Variants in HOXA7 observed in about 807,000 individuals in gnomAD.
The protein encoded by HOXA7 is homeobox protein Hox-A7.
Under a neutral mutation model 16.8 loss-of-function variants are expected in HOXA7, and 16 were observed. The ratio of observed to expected loss-of-function variants is 0.95; its 90% CI spans 0.64 to 1.44. The LOEUF (loss-of-function observed/expected upper bound fraction) is 1.44. Ranked by LOEUF, HOXA7 falls within the 40% of genes most tolerant of loss-of-function variation. The pLI, the probability that HOXA7 is intolerant of heterozygous loss-of-function variation, is 0.00. For synonymous variants in HOXA7, 169 were observed against 144.3 expected, an observed-to-expected ratio of 1.17 and a Z score of -1.23; for missense variants, 379 against 328.6, an observed-to-expected ratio of 1.15 and a Z score of -1.19.
chr7:27,155,280 G>T, intron 1 of HOXA7, 58 bp from the exon 2 acceptor site: 1 of 1,506,028 alleles, frequency 6.6e-7, no homozygotes, highest in Non-Finnish European at 9.2e-7. Context: ...CAGGGCACTC[G>T]TTAGGCTGCT....
intron 1 of HOXA7, 41 bp downstream of exon 1, chr7:27,156,114 CCCCGCTCCCGGT>C: frequency 7.0e-7 from 1 of 1,420,344 alleles, no homozygotes; most frequent in South Asian, 1.6e-5. Context: ...GCGCTGCGCT[CCCCGCTCCCGGT>C]CCCGCTCCGC....
chr7:27,156,226 C>T lies in HOXA7; in HGVS notation c.320G>A (p.Gly107Asp). Residue 107 changes from glycine to aspartate, a missense_variant, in exon 1 of 2, where the codon GGC becomes GAC. Transcript: ENST00000242159. ...GGCCTCAGCCGCGCCATGCAGCGCGCCCTCGTCCGTCTTGTCGCAGGCGCC... is the reference window on the plus strand; with the variant it reads ...GGCCTCAGCCGCGCCATGCAGCGCGTCCTCGTCCGTCTTGTCGCAGGCGCC... Reference protein sequence around the residue: ...AKGACDKTDEGALHGAAEANF... With the variant: ...AKGACDKTDEDALHGAAEANF... 1 of 1,603,346 alleles carries T rather than the reference C, an allele frequency of 6.2e-7. No homozygotes were observed. The highest frequency in any genetic ancestry group is 8.5e-7 in the Non-Finnish European group (1 of 1,174,922).
intron 1 of HOXA7, chr7:27,155,912 A>G (rs1364624743): frequency 5.2e-6 from 2 of 385,308 alleles, no homozygotes; most frequent in Non-Finnish European, 9.1e-6. Context: ...TAAATTTACG[A>G]GGATCGAACC....
rs1310854177 is a variant in HOXA7, at chr7:27,154,772, G to T, written c.*137C>A. ...GGGGGTGGGTAGAGTGCAGGTTGGG[G>T]ACTGGGTTGCTTTTTTGTTTTTGTT... is the stretch of plus-strand genomic sequence containing the variant. On this transcript the variant is annotated 3_prime_UTR_variant, in exon 2 of 2. Transcript: ENST00000242159. 1.2e-5 allele frequency: 15 copies of T among 1,298,066 alleles called. No homozygotes were observed. The East Asian group carries it at 3.8e-4, about 33-fold the overall frequency. 80.4% of individuals were successfully genotyped at this position (1,298,066 alleles called of 1,614,324 possible).
In HOXA7 at chr7:27,154,746, T is replaced by G; in HGVS notation, c.*163A>C. The G allele has an allele frequency of 6.0e-6, 6 of 1,001,836 alleles. No homozygotes were observed. The highest frequency in any genetic ancestry group is 8.4e-6 in the Non-Finnish European group (6 of 710,294). 62.1% of individuals were successfully genotyped at this position (1,001,836 alleles called of 1,614,324 possible). ...AAAAGTTGGGAGCTGGAGTAGGTGATGGGGGTGGGTAGAGTGCAGGTTGGG... is the reference window on the plus strand; with the variant it reads ...AAAAGTTGGGAGCTGGAGTAGGTGAGGGGGGTGGGTAGAGTGCAGGTTGGG... On this transcript the variant is annotated 3_prime_UTR_variant, in exon 2 of 2. Coordinates refer to ENST00000242159, the MANE Select transcript of HOXA7 (RefSeq NM_006896.4).
Position 27,156,315 on chromosome 7 carries a change from G to A in HOXA7, c.231C>T (p.Tyr77=), listed in dbSNP as rs563708052. The A allele has an allele frequency of 6.2e-7, 1 of 1,613,960 alleles. No individual in the cohort carries two copies. The highest frequency in any genetic ancestry group is 1.1e-5 in the South Asian group (1 of 91,088). ...CGTAGGAGGCGCAGGGCAGGTTGCCGTAGGCGTCGGCGCCCAGGCCGTAGC... is the reference window on the plus strand; with the variant it reads ...CGTAGGAGGCGCAGGGCAGGTTGCCATAGGCGTCGGCGCCCAGGCCGTAGC... ...ASGYGLGADA[Y]GNLPCASYDQ... The change falls in exon 1 of 2, where the codon TAC becomes TAT. Residue 77 remains tyrosine, a synonymous_variant. Coordinates refer to ENST00000242159, the MANE Select transcript of HOXA7 (RefSeq NM_006896.4).
chr7:27,155,105 G>T lies in HOXA7; in HGVS notation c.497C>A (p.Ala166Glu). 1 of 1,614,240 alleles carries T rather than the reference G, an allele frequency of 6.2e-7. No individual in the cohort carries two copies. The highest frequency in any genetic ancestry group is 8.5e-7 in the Non-Finnish European group (1 of 1,180,042). Residue 166 changes from alanine (A) to glutamate (E), a missense_variant, in exon 2 of 2, where the codon GCG becomes GAG. Physicochemically the swap from Ala to Glu is moderately radical, Grantham distance 107. Coordinates refer to ENST00000242159, the MANE Select transcript of HOXA7 (RefSeq NM_006896.4). The part of the protein sequence containing the change: ...TRRRRIEIAH[A>E]LCLTERQIKI... ...AATCTGGCGCTCGGTGAGGCAGAGC[G>T]CGTGGGCGATTTCAATGCGGCGGCG...
Position 27,156,674 on chromosome 7 carries a change from G to GCACGTGACCGCC in HOXA7, c.-130_-129insGGCGGTCACGTG. On this transcript the variant is annotated 5_prime_UTR_variant, in exon 1 of 2. Coordinates refer to ENST00000242159, the MANE Select transcript of HOXA7 (RefSeq NM_006896.4). ...TTTCTTTTGGACGGAGCTCGCCGCA[G>GCACGTGACCGCC]CACGTGACCGCCCACATGACCGCCT... The GCACGTGACCGCC allele has an allele frequency of 1.0e-6, 1 of 982,022 alleles. No homozygotes were observed. The highest frequency in any genetic ancestry group is 1.5e-6 in the Non-Finnish European group (1 of 668,180). 60.8% of individuals were successfully genotyped at this position (982,022 alleles called of 1,614,324 possible). A position where few individuals can be genotyped will look rare whatever the true frequency, so the allele number is the denominator to read the frequency against.
chr7:27,155,279 C>T, intron 1 of HOXA7, 57 bp from the exon 2 acceptor site: 2 of 1,508,388 alleles, frequency 1.3e-6, no homozygotes, highest in East Asian at 2.3e-5. Context: ...ACAGGGCACT[C>T]GTTAGGCTGC....
intron 1 of HOXA7, 133 bp downstream of exon 1, chr7:27,156,034 A>C (rs1326035743): frequency 1.8e-6 from 2 of 1,085,240 alleles, no homozygotes; most frequent in South Asian, 2.7e-5. Flanking sequence ...GCCGGGAGTC[A>C]CGGGGCTACC....
Position 27,156,233 on chromosome 7 carries a change from C to G in HOXA7, c.313G>C (p.Asp105His). Residue 105 changes from aspartate to histidine, a missense_variant, in exon 1 of 2, where the codon GAC (aspartate) becomes CAC (histidine). Transcript: ENST00000242159. ...DLAKGACDKT[D>H]EGALHGAAEA... ...GCCGCGCCATGCAGCGCGCCCTCGTCCGTCTTGTCGCAGGCGCCTTTGGCG... is the reference window on the plus strand; with the variant it reads ...GCCGCGCCATGCAGCGCGCCCTCGTGCGTCTTGTCGCAGGCGCCTTTGGCG... 2 of 1,606,240 alleles carry G rather than the reference C, an allele frequency of 1.2e-6. No homozygotes were observed. Among genetic ancestry groups the G allele is most frequent in the South Asian group, 1.1e-5 (1 of 90,694 alleles).
In HOXA7 at chr7:27,156,528, A is replaced by G. The variant is rs1783113395; in HGVS notation, c.18T>C (p.Tyr6=). 5 of 1,581,796 alleles carry G rather than the reference A, an allele frequency of 3.2e-6. No individual in the cohort carries two copies. Among genetic ancestry groups the G allele is most frequent in the Middle Eastern group, 1.7e-4 (1 of 5,942 alleles). Reference sequence around the variant, plus strand: ...TATATTTGCTAAAAAGCGCGTTCACATAATACGAAGAACTCATAATTTTGA... The same window carrying G: ...TATATTTGCTAAAAAGCGCGTTCACGTAATACGAAGAACTCATAATTTTGA... MSSSY[Y]VNALFSKYTA... is the part of the protein sequence containing the mutation. The change falls in exon 1 of 2, where the codon TAT becomes TAC. Residue 6 remains tyrosine, a synonymous_variant. Transcript: ENST00000242159.
Position 27,154,927 on chromosome 7 carries a change from C to G in HOXA7, c.675G>C (p.Glu225Asp), listed in dbSNP as rs146964934. 6.2e-7 allele frequency: 1 copy of G among 1,610,382 alleles called. No homozygotes were observed. Among genetic ancestry groups the G allele is most frequent in the Non-Finnish European group, 8.5e-7 (1 of 1,177,270 alleles). The change falls in exon 2 of 2, where the codon GAG becomes GAC. Residue 225 changes from glutamate to aspartate, a missense_variant. Coordinates refer to ENST00000242159, the MANE Select transcript of HOXA7 (RefSeq NM_006896.4). ...KADEEDDDEE[E>D]EDEEE is the part of the protein sequence containing the mutation. Reference sequence around the variant, plus strand: ...CGGCCCCTCATTCCTCCTCGTCTTCCTCTTCTTCATCATCGTCCTCCTCGT... The same window carrying G: ...CGGCCCCTCATTCCTCCTCGTCTTCGTCTTCTTCATCATCGTCCTCCTCGT...
At chr7:27,155,320 T>A in intron 1 of HOXA7, 98 bp from the exon 2 acceptor site, 1 of 1,140,148 alleles carries the variant, frequency 8.8e-7, no homozygotes, top group Non-Finnish European at 1.3e-6. Context: ...CCTCCTGGCC[T>A]AGTCCCCAGC....
chr7:27,156,675 C>A lies in HOXA7; in HGVS notation c.-130G>T. 3 of 986,030 alleles carry A rather than the reference C, an allele frequency of 3.0e-6. No individual in the cohort carries two copies. Among genetic ancestry groups the A allele is most frequent in the Non-Finnish European group, 4.5e-6 (3 of 671,644 alleles). The allele number at this position is 986,030 out of a possible 1,614,324, so 61.1% of individuals were successfully genotyped here. A position where few individuals can be genotyped will look rare whatever the true frequency, so the allele number is the denominator to read the frequency against. On this transcript the variant is annotated 5_prime_UTR_variant, in exon 1 of 2. Coordinates refer to ENST00000242159, the MANE Select transcript of HOXA7 (RefSeq NM_006896.4). ...TTCTTTTGGACGGAGCTCGCCGCAGCACGTGACCGCCCACATGACCGCCTC... is the reference window on the plus strand; with the variant it reads ...TTCTTTTGGACGGAGCTCGCCGCAGAACGTGACCGCCCACATGACCGCCTC...
intron 1 of HOXA7, 70 bp downstream of exon 1, chr7:27,156,097 C>T: frequency 7.2e-7 from 1 of 1,379,676 alleles, no homozygotes; most frequent in Non-Finnish European, 9.3e-7. Flanking sequence ...GCGCTCCGCG[C>T]TCCCCAGCGC....
Position 27,154,860 on chromosome 7 carries a change from A to G in HOXA7, c.*49T>C. 1 of 1,542,486 alleles carries G rather than the reference A, an allele frequency of 6.5e-7. No homozygotes were observed. Among genetic ancestry groups the G allele is most frequent in the Non-Finnish European group, 8.7e-7 (1 of 1,147,224 alleles). ...GTAAGTAAAACCAGTGAGTCTCTTA[A>G]AGACGCTTTTCCGACTGTCCGGTGC... On this transcript the variant is annotated 3_prime_UTR_variant, in exon 2 of 2. Coordinates refer to ENST00000242159, the MANE Select transcript of HOXA7 (RefSeq NM_006896.4).
At position 27,155,060 on chromosome 7, in the gene HOXA7, C is replaced by A. The variant is rs1562737367; in HGVS notation, c.542G>T (p.Arg181Leu). The change falls in exon 2 of 2, where the codon CGC becomes CTC. Residue 181 changes from arginine to leucine, a missense_variant. Coordinates refer to ENST00000242159, the MANE Select transcript of HOXA7 (RefSeq NM_006896.4). ...ERQIKIWFQN[R>L]RMKWKKEHKD... is the part of the protein sequence containing the mutation. The stretch of plus-strand genomic sequence containing the variant: ...ATGCTCTTTCTTCCACTTCATGCGG[C>A]GGTTCTGGAACCAGATCTTAATCTG... The A allele has an allele frequency of 2.5e-6, 4 of 1,614,110 alleles. No homozygotes were observed. The highest frequency in any genetic ancestry group is 3.4e-6 in the Non-Finnish European group (4 of 1,180,042).
Position 27,156,341 on chromosome 7 carries a change from C to A in HOXA7, c.205G>T (p.Gly69Cys), listed in dbSNP as rs756592104. ...TAGGCGTCGGCGCCCAGGCCGTAGC[C>A]GGACGCAAAGGGGCTCTGATAAAGG... ...SPLYQSPFAS[G>C]YGLGADAYGN... The change falls in exon 1 of 2, where the codon GGC becomes TGC. Residue 69 changes from glycine (G) to cysteine (C), a missense_variant. Gly to Cys is a radical substitution (Grantham distance 159, BLOSUM62 -3). Coordinates refer to ENST00000242159, the MANE Select transcript of HOXA7 (RefSeq NM_006896.4). 4 of 1,613,978 alleles carry A rather than the reference C, an allele frequency of 2.5e-6. No homozygotes were observed. The South Asian group carries it at 3.3e-5, about 13-fold the overall frequency.
Sources: allele counts gnomAD v4.1 joint callset, GRCh38; gene constraint gnomAD v4.1.1; transcripts MANE v1.5; gene names NCBI Gene and HGNC (gene_info 2026-07-23, HGNC 2026-07-21).